Variants in XRN2 observed in about 807,000 individuals in gnomAD.
XRN2 encodes DHM1-like protein.
Under a neutral mutation model 138.5 loss-of-function variants are expected in XRN2, and 44 were observed. That is an observed-to-expected ratio of 0.32 (90% CI 0.25 to 0.41). XRN2 has a LOEUF of 0.41. Among genes scored for constraint, XRN2 ranks in the 10% least tolerant of loss-of-function variants. The pLI is 1.00. For synonymous variants in XRN2, 354 were observed against 369.4 expected, an observed-to-expected ratio of 0.96 and a Z score of 0.48; for missense variants, 937 against 1,169.3, an observed-to-expected ratio of 0.80 and a Z score of 2.90.
Position 21,306,053 on chromosome 20 carries a change from C to T in XRN2, c.75+2580C>T, listed in dbSNP as rs1261091690. ...AATGCTGTGTGGGATGTGAGATTTC[C>T]GAGTCATTGTAGGACCCAAAATAGC... On this transcript the variant is annotated intron_variant, in intron 1 of 29. Coordinates refer to ENST00000377191, the MANE Select transcript of XRN2 (RefSeq NM_012255.5). Among the ~76,000 whole-genome samples the T allele has an allele frequency of 2.7e-5, 2 of 74,606 alleles. 1 individual carries two copies. The highest frequency in any genetic ancestry group is 7.3e-5 in the African/African-American group (2 of 27,290). The allele number at this position is 74,606 out of a possible 152,430, so 48.9% of individuals were successfully genotyped here. A position where few individuals can be genotyped will look rare whatever the true frequency, so the allele number is the denominator to read the frequency against.
Position 21,326,555 on chromosome 20 carries a change from G to GT in XRN2, c.270dup (p.Ile91TyrfsTer20). ...TTTGAGTACATTGACAGACTTTTCA[G>GT]TATTGTAAGACCAAGAAGACTTCTC... On this transcript the variant is annotated frameshift_variant, in exon 3 of 30. Transcript: ENST00000377191. LOFTEE classifies it high-confidence loss of function. 1 of 1,614,034 alleles carries GT rather than the reference G, an allele frequency of 6.2e-7. No individual in the cohort carries two copies. Among genetic ancestry groups the GT allele is most frequent in the Non-Finnish European group, 8.5e-7 (1 of 1,179,952 alleles).
At chr20:21,373,199 G>A (rs1301585915) in intron 27 of XRN2, among the ~76,000 whole-genome samples, 3 of 152,076 alleles carry the variant, frequency 2.0e-5, no homozygotes, top group South Asian at 2.1e-4. Flanking sequence ...TAGTAGAGAT[G>A]GGGTTTCACC....
At chr20:21,377,561 G>T (rs867406676) in intron 27 of XRN2, among the ~76,000 whole-genome samples, 8 of 147,814 alleles carry the variant, frequency 5.4e-5, no homozygotes, top group African/African-American at 1.2e-4. Context: ...TCCGGCCTGT[G>T]TTTTTTTTTT....
In XRN2 at chr20:21,354,834, C is replaced by G; in HGVS notation, c.1982C>G (p.Ala661Gly). ...GTGGATGAGCGAAGGCTACGAGCTG[C>G]CCTAGAAGAGGTATACCCAGACCTC... Reference protein sequence around the residue: ...PFVDERRLRAALEEVYPDLTP... With the variant: ...PFVDERRLRAGLEEVYPDLTP... The change falls in exon 21 of 30, where the codon GCC (alanine) becomes GGC (glycine). Residue 661 changes from alanine (A) to glycine (G), a missense_variant. Coordinates refer to ENST00000377191, the MANE Select transcript of XRN2 (RefSeq NM_012255.5). 1 of 1,613,788 alleles carries G rather than the reference C, an allele frequency of 6.2e-7. No individual in the cohort carries two copies. Among genetic ancestry groups the G allele is most frequent in the Non-Finnish European group, 8.5e-7 (1 of 1,179,876 alleles).
chr20:21,341,975 G>A (rs935251476), intron 15 of XRN2, among the ~76,000 whole-genome samples: 2 of 152,064 alleles, frequency 1.3e-5, no homozygotes, highest in African/African-American at 4.8e-5. Context: ...ACTGTAGATC[G>A]ATAACATCTG....
Position 21,366,163 on chromosome 20 carries a change from T to TTA in XRN2, c.2456+464_2456+465dup, listed in dbSNP as rs35851861. On this transcript the variant is annotated intron_variant, in intron 26 of 29. Coordinates refer to ENST00000377191, the MANE Select transcript of XRN2 (RefSeq NM_012255.5). ...ACATATATAAATATATATTTATAGT[T>TTA]TATATAATATATATAAATATATATT... is the stretch of plus-strand genomic sequence containing the variant. 2.9e-4 allele frequency among the ~76,000 whole-genome samples: 31 copies of TTA among 107,802 alleles called. 1 individual carries two copies. Among genetic ancestry groups the TTA allele is most frequent in the African/African-American group, 7.6e-4 (22 of 28,878 alleles). The allele number at this position is 107,802 out of a possible 152,430, so 70.7% of individuals were successfully genotyped here. A position where few individuals can be genotyped will look rare whatever the true frequency, so the allele number is the denominator to read the frequency against.
intron 28 of XRN2, among the ~76,000 whole-genome samples, chr20:21,385,901 G>A (rs2038932458): frequency 6.6e-6 from 1 of 152,168 alleles, no homozygotes; most frequent in African/African-American, 2.4e-5. Context: ...ATGGTCAGTG[G>A]CCCCAAAGCT....
Position 21,306,563 on chromosome 20 carries a change from T to C in XRN2, c.75+3090T>C, listed in dbSNP as rs2037815957. Among the ~76,000 whole-genome samples, 2 of 77,430 alleles carry C rather than the reference T, an allele frequency of 2.6e-5. 1 individual carries two copies. Among genetic ancestry groups the C allele is most frequent in the Non-Finnish European group, 6.1e-5 (2 of 32,850 alleles). 50.8% of individuals were successfully genotyped at this position (77,430 alleles called of 152,430 possible). A position where few individuals can be genotyped will look rare whatever the true frequency, so the allele number is the denominator to read the frequency against. ...GATGTATTTATTTAACCAGCAGTTA[T>C]ATAGCATTTACCATTGTTTTAAGAA... is the stretch of plus-strand genomic sequence containing the variant. On this transcript the variant is annotated intron_variant, in intron 1 of 29. Transcript: ENST00000377191.
At chr20:21,366,154 AT>A (rs1555787374) in intron 26 of XRN2, among the ~76,000 whole-genome samples, 1 of 34,790 alleles carries the variant, frequency 2.9e-5, no homozygotes. Context: ...ATAAATATAT[AT>A]TTATAGTTTA....
At position 21,333,783 on chromosome 20, in the gene XRN2, T is replaced by C; in HGVS notation, c.1013T>C (p.Met338Thr). Residue 338 changes from methionine (M) to threonine (T), a missense_variant, in exon 11 of 30, where the codon ATG becomes ACG. Met to Thr is a moderately conservative substitution (Grantham distance 81). Transcript: ENST00000377191. Reference protein sequence around the residue: ...VERSIDDWVFMCFFVGNDFLP... With the variant: ...VERSIDDWVFTCFFVGNDFLP... Reference sequence around the variant, plus strand: ...AGGAGCATTGATGACTGGGTTTTCATGTGCTTCTTTGTGGGAAATGACTTC... The same window carrying C: ...AGGAGCATTGATGACTGGGTTTTCACGTGCTTCTTTGTGGGAAATGACTTC... 6.2e-7 allele frequency: 1 copy of C among 1,614,198 alleles called. No individual in the cohort carries two copies. Among genetic ancestry groups the C allele is most frequent in the Non-Finnish European group, 8.5e-7 (1 of 1,180,010 alleles).
chr20:21,312,300 T>A (rs367696266), intron 1 of XRN2, among the ~76,000 whole-genome samples: 18 of 152,156 alleles, frequency 1.2e-4, no homozygotes, highest in East Asian at 3.9e-4. Context: ...TTATTTATTT[T>A]TTTTTAGTAG....
chr20:21,319,613 G>T (rs1169592631), intron 1 of XRN2, among the ~76,000 whole-genome samples: 2 of 151,872 alleles, frequency 1.3e-5, no homozygotes, highest in Non-Finnish European at 2.9e-5. Flanking sequence ...CTTACCCTAT[G>T]TATCTTGCTA....
intron 27 of XRN2, among the ~76,000 whole-genome samples, chr20:21,371,525 C>T (rs893480639): frequency 7.2e-5 from 11 of 152,248 alleles, no homozygotes; most frequent in African/African-American, 2.7e-4. Context: ...AATAACATTT[C>T]TAGGTATTTC....
chr20:21,370,973 C>T (rs1331042628), intron 27 of XRN2, among the ~76,000 whole-genome samples: 1 of 152,064 alleles, frequency 6.6e-6, no homozygotes, highest in Non-Finnish European at 1.5e-5. Context: ...AACAGTGTGG[C>T]AAGATGCTCA....
intron 28 of XRN2, among the ~76,000 whole-genome samples, chr20:21,385,853 C>T (rs191662166): frequency 1.3e-5 from 2 of 152,304 alleles, no homozygotes; most frequent in Non-Finnish European, 2.9e-5. Context: ...CTAGTCAGCA[C>T]TTCAGTGAAT....
intron 20 of XRN2, among the ~76,000 whole-genome samples, chr20:21,353,325 GTTCTC>G (rs2038536293): frequency 6.8e-6 from 1 of 146,356 alleles, no homozygotes; most frequent in Non-Finnish European, 1.5e-5. Context: ...CCTTGATATA[GTTCTC>G]TTAAGTGTAT....
chr20:21,350,989 A>G (rs2038503427), intron 20 of XRN2, among the ~76,000 whole-genome samples: 2 of 152,182 alleles, frequency 1.3e-5, no homozygotes, highest in Admixed American at 6.5e-5. Flanking sequence ...GCAGAGAGAG[A>G]AGATGCATGG....
intron 1 of XRN2, among the ~76,000 whole-genome samples, chr20:21,304,019 AGTATG>A (rs1414352790): frequency 5.3e-5 from 8 of 152,230 alleles, no homozygotes; most frequent in African/African-American, 1.9e-4. Flanking sequence ...CGCTGAAAGC[AGTATG>A]TCAGGTCCAG....
chr20:21,342,073 A>G (rs2038379042), intron 15 of XRN2, among the ~76,000 whole-genome samples: 1 of 152,194 alleles, frequency 6.6e-6, no homozygotes, highest in East Asian at 1.9e-4. Context: ...TTATTTCTAT[A>G]TAGAGGAGGT....
Sources: allele counts gnomAD v4.1 joint callset (sites outside exome capture counted in the v4.1 genomes callset), GRCh38; gene constraint gnomAD v4.1.1; transcripts MANE v1.5; gene names NCBI Gene and HGNC (gene_info 2026-07-23, HGNC 2026-07-21).